Variants in PPARGC1A observed in about 807,000 individuals in gnomAD.
The protein encoded by PPARGC1A is peroxisome proliferator-activated receptor gamma coactivator 1-alpha.
A neutral mutation model predicts 88.7 loss-of-function variants in PPARGC1A; 25 were observed. The ratio of observed to expected loss-of-function variants is 0.28; its 90% CI spans 0.21 to 0.39. PPARGC1A has a LOEUF of 0.39. Among genes scored for constraint, PPARGC1A ranks in the 10% least tolerant of loss-of-function variants. The probability of loss-of-function intolerance (pLI) is 1.00; values close to 1 mark genes in which losing one functional copy is unlikely to be tolerated. For synonymous variants in PPARGC1A, 363 were observed against 355.6 expected, an observed-to-expected ratio of 1.02 and a Z score of -0.24; for missense variants, 880 against 968.7, an observed-to-expected ratio of 0.91 and a Z score of 1.22.
chr4:24,182,546 G>C, the PPARGC1A span, among the ~76,000 whole-genome samples: 3 of 151,992 alleles, frequency 2.0e-5, no homozygotes, highest in African/African-American at 7.3e-5. Context: ...TGGTATTTCT[G>C]GTTCTAGATC....
At chr4:23,867,570 A>G (rs1434006400) in intron 2 of PPARGC1A, among the ~76,000 whole-genome samples, 4 of 152,216 alleles carry the variant, frequency 2.6e-5, no homozygotes, top group African/African-American at 9.7e-5. Context: ...AGTCAATTGT[A>G]CTACAGATAC....
the PPARGC1A span, among the ~76,000 whole-genome samples, chr4:24,394,970 T>C: frequency 6.6e-6 from 1 of 152,358 alleles, no homozygotes; most frequent in East Asian, 1.9e-4. Context: ...TCTTGTACAA[T>C]GTCCTTCCTG....
the PPARGC1A span, among the ~76,000 whole-genome samples, chr4:24,086,280 C>T: frequency 3.9e-5 from 6 of 152,194 alleles, no homozygotes; most frequent in Non-Finnish European, 7.3e-5. Context: ...CCAGCTGAAG[C>T]TGGCTTGGCT....
chr4:24,307,360 T>C, the PPARGC1A span, among the ~76,000 whole-genome samples: 1 of 152,258 alleles, frequency 6.6e-6, no homozygotes, highest in Non-Finnish European at 1.5e-5. Flanking sequence ...ATCTACACTG[T>C]AATATATATT....
chr4:24,250,695 C>A, the PPARGC1A span, among the ~76,000 whole-genome samples: 1 of 152,168 alleles, frequency 6.6e-6, no homozygotes. Context: ...AGGTCTCAGG[C>A]TGGCCATTCA....
chr4:24,014,492 CA>C, the PPARGC1A span, among the ~76,000 whole-genome samples: 1 of 152,144 alleles, frequency 6.6e-6, no homozygotes, highest in Non-Finnish European at 1.5e-5. Context: ...ATCAGATGAG[CA>C]TATCATAGCT....
the PPARGC1A span, among the ~76,000 whole-genome samples, chr4:24,283,051 T>C: frequency 7.2e-4 from 109 of 152,184 alleles, no homozygotes; most frequent in Non-Finnish European, 7.1e-4. Context: ...ACTCAGTCGC[T>C]GGCCCTCACT....
chr4:24,212,105 TTCATATA>T, the PPARGC1A span, among the ~76,000 whole-genome samples: 16 of 152,154 alleles, frequency 1.1e-4, no homozygotes, highest in Non-Finnish European at 2.2e-4. Flanking sequence ...TCCAAACTCT[TTCATATA>T]ATCTTCAAGA....
chr4:24,334,307 A>C, the PPARGC1A span, among the ~76,000 whole-genome samples: 1 of 152,226 alleles, frequency 6.6e-6, no homozygotes, highest in Non-Finnish European at 1.5e-5. Flanking sequence ...ACTGAAGCCC[A>C]AAGAATAAGC....
the PPARGC1A span, among the ~76,000 whole-genome samples, chr4:24,380,642 T>C: frequency 1.3e-5 from 2 of 152,010 alleles, no homozygotes; most frequent in Non-Finnish European, 2.9e-5. Context: ...AGTTAGGAGA[T>C]TCTGACGGGT....
chr4:24,101,193 A>G, the PPARGC1A span, among the ~76,000 whole-genome samples: 1 of 152,108 alleles, frequency 6.6e-6, no homozygotes, highest in Non-Finnish European at 1.5e-5. Context: ...CTGTCTTGTA[A>G]TAGAGTTCTC....
At chr4:23,969,532 A>G in the PPARGC1A span, among the ~76,000 whole-genome samples, 3 of 152,192 alleles carry the variant, frequency 2.0e-5, no homozygotes, top group Non-Finnish European at 4.4e-5. Context: ...CACACCAAAC[A>G]TGAACGTTCT....
At chr4:24,096,850 A>G in the PPARGC1A span, among the ~76,000 whole-genome samples, 4 of 152,214 alleles carry the variant, frequency 2.6e-5, no homozygotes, top group Non-Finnish European at 4.4e-5. Context: ...TCTTTATGAA[A>G]AAGTTATATA....
At chr4:24,408,586 C>T in the PPARGC1A span, among the ~76,000 whole-genome samples, 1 of 152,184 alleles carries the variant, frequency 6.6e-6, no homozygotes, top group Non-Finnish European at 1.5e-5. Context: ...TGTCTTGAAA[C>T]TCTTGCTCCT....
chr4:23,809,557 C>G (rs917392256), intron 10 of PPARGC1A, among the ~76,000 whole-genome samples: 2 of 151,980 alleles, frequency 1.3e-5, no homozygotes, highest in African/African-American at 4.8e-5. Context: ...TCATACAATG[C>G]AGTATGTCAT....
rs367569642 is a variant in PPARGC1A, at chr4:23,830,201, AG to A, written c.430-617del. The stretch of plus-strand genomic sequence containing the variant: ...CTGGTGTATGAAATTACTGATTCAA[AG>A]AATGTTTGGATAAAAGAATGACTAT... On this transcript the variant is annotated intron_variant, in intron 3 of 12. Coordinates refer to ENST00000264867, the MANE Select transcript of PPARGC1A (RefSeq NM_013261.5). Among the ~76,000 whole-genome samples the A allele has an allele frequency of 4.8e-4, 73 of 152,310 alleles. No individual in the cohort carries two copies. In the East Asian group the frequency reaches 6.2e-3, roughly 13 times the overall value.
At chr4:23,844,359 CTATAA>C (rs1200460653) in intron 2 of PPARGC1A, among the ~76,000 whole-genome samples, 8 of 133,040 alleles carry the variant, frequency 6.0e-5, no homozygotes, top group African/African-American at 2.0e-4. Flanking sequence ...ATATAATAAT[CTATAA>C]TATATTATAG....
chr4:24,245,714 C>G, the PPARGC1A span, among the ~76,000 whole-genome samples: 1 of 152,238 alleles, frequency 6.6e-6, no homozygotes, highest in South Asian at 2.1e-4. Context: ...CTTGGCAGCT[C>G]AAAATACAGC....
the PPARGC1A span, among the ~76,000 whole-genome samples, chr4:24,035,294 C>G: frequency 6.6e-6 from 1 of 152,024 alleles, no homozygotes; most frequent in Non-Finnish European, 1.5e-5. Context: ...AATCCCAGCA[C>G]TTTGGGAGGC....
Sources: gnomAD v4.1 joint callset for allele counts (sites outside exome capture counted in the v4.1 genomes callset) on GRCh38, gnomAD v4.1.1 for gene constraint, MANE v1.5 for transcripts, NCBI Gene and HGNC (gene_info 2026-07-23, HGNC 2026-07-21) for gene names.